The following ADAMTS17 variants were observed in gnomAD, a reference collection of about 807,000 sequenced individuals.
ADAMTS17 encodes the protein A disintegrin and metalloproteinase with thrombospondin motifs 17.
ADAMTS17 carries 113 observed loss-of-function variants against 141.5 expected under a neutral mutation model. The observed-to-expected ratio is 0.80, with a 90% CI of 0.69 to 0.93. The LOEUF is 0.93. ADAMTS17 is among the 40% of genes least tolerant of loss of function. The probability of loss-of-function intolerance (pLI) is 0.00; values close to 1 mark genes in which losing one functional copy is unlikely to be tolerated. For missense variants in ADAMTS17, 1,659 were observed against 1,517.9 expected (o/e 1.09, Z -1.54); for synonymous variants, 768 against 630.6 (o/e 1.22, Z -3.27).
At chr15:100,255,500 C>T (rs146876379) in intron 6 of ADAMTS17, among the ~76,000 whole-genome samples, 1 of 152,248 alleles carries the variant, frequency 6.6e-6, no homozygotes, top group African/African-American at 2.4e-5. Flanking sequence ...GCGATAGAAG[C>T]AGCACTGGCA....
intron 8 of ADAMTS17, among the ~76,000 whole-genome samples, chr15:100,169,603 C>A (rs1184165123): frequency 1.3e-5 from 2 of 152,228 alleles, no homozygotes; most frequent in Non-Finnish European, 2.9e-5. Flanking sequence ...AACCTCCATA[C>A]ACGGTGCAGT....
At chr15:100,203,629 T>C (rs1257732356) in intron 7 of ADAMTS17, among the ~76,000 whole-genome samples, 3 of 152,058 alleles carry the variant, frequency 2.0e-5, no homozygotes, top group Non-Finnish European at 4.4e-5. Flanking sequence ...GGCATGAACC[T>C]GGGAGGTGGA....
chr15:100,001,703 G>C lies in ADAMTS17; in HGVS notation c.2592-4114C>G, dbSNP rs145454301. On this transcript the variant is annotated intron_variant, in intron 18 of 21. Transcript: ENST00000268070. ...AATCAAGTCTAGGCCGGGCACAGTG[G>C]CTCACACCTATAATCCCAGCATTTT... 4.7e-3 allele frequency among the ~76,000 whole-genome samples: 712 copies of C among 152,130 alleles called. 5 individuals are homozygous for C. Among genetic ancestry groups the C allele is most frequent in the African/African-American group, 0.016 (677 of 41,502 alleles).
intron 4 of ADAMTS17, among the ~76,000 whole-genome samples, chr15:100,264,281 C>T (rs985358758): frequency 2.6e-5 from 4 of 152,004 alleles, no homozygotes; most frequent in African/African-American, 9.7e-5. Context: ...CCAACTTGTT[C>T]CTGTTTTGAT....
At chr15:100,296,376 C>T (rs1473499746) in intron 3 of ADAMTS17, among the ~76,000 whole-genome samples, 4 of 152,058 alleles carry the variant, frequency 2.6e-5, no homozygotes, top group Non-Finnish European at 4.4e-5. Context: ...TCCACAGCTG[C>T]ATAAATCCAA....
At chr15:100,047,561 C>A (rs1314005689) in intron 18 of ADAMTS17, among the ~76,000 whole-genome samples, 1 of 151,902 alleles carries the variant, frequency 6.6e-6, no homozygotes, top group Admixed American at 6.6e-5. Context: ...TAGAAAAGAA[C>A]CTATGTGACT....
intron 8 of ADAMTS17, among the ~76,000 whole-genome samples, chr15:100,182,845 T>C (rs1318953479): frequency 1.3e-5 from 2 of 152,248 alleles, no homozygotes; most frequent in Non-Finnish European, 2.9e-5. Flanking sequence ...GTGAATTTCT[T>C]AGAGCTTATC....
chr15:100,050,405 G>A (rs566264567), intron 17 of ADAMTS17, among the ~76,000 whole-genome samples: 1 of 152,320 alleles, frequency 6.6e-6, no homozygotes, highest in East Asian at 1.9e-4. Flanking sequence ...ACAAGCGGCA[G>A]CTAAGGGCTG....
intron 7 of ADAMTS17, among the ~76,000 whole-genome samples, chr15:100,237,633 G>GT (rs987037029): frequency 2.7e-4 from 41 of 151,776 alleles, no homozygotes; most frequent in East Asian, 1.2e-3. Context: ...TTTTGTTTTT[G>GT]TTTTTTTTGA....
At chr15:100,292,519 TGA>T (rs1332788818) in intron 3 of ADAMTS17, among the ~76,000 whole-genome samples, 2 of 143,342 alleles carry the variant, frequency 1.4e-5, no homozygotes, top group Non-Finnish European at 3.1e-5. Context: ...TGTGAAATTA[TGA>T]GAGACACTCA....
chr15:100,170,833 T>C (rs1184838765), intron 8 of ADAMTS17, among the ~76,000 whole-genome samples: 2 of 152,198 alleles, frequency 1.3e-5, no homozygotes, highest in African/African-American at 4.8e-5. Flanking sequence ...ACTGACAATT[T>C]TGACTGGCAG....
At chr15:100,213,835 G>C (rs1380047350) in intron 7 of ADAMTS17, among the ~76,000 whole-genome samples, 1 of 152,242 alleles carries the variant, frequency 6.6e-6, no homozygotes, top group Non-Finnish European at 1.5e-5. Flanking sequence ...TACCAGTAGA[G>C]AAGGGCCATC....
chr15:100,096,423 C>G lies in ADAMTS17; in HGVS notation c.2070G>C (p.Gly690=). The G allele has an allele frequency of 1.2e-6, 2 of 1,614,176 alleles. No individual in the cohort carries two copies. Among genetic ancestry groups the G allele is most frequent in the Non-Finnish European group, 1.7e-6 (2 of 1,180,046 alleles). Residue 690 remains glycine (G), a synonymous_variant, in exon 15 of 22, where the codon GGG becomes GGC. Coordinates refer to ENST00000268070, the MANE Select transcript of ADAMTS17 (RefSeq NM_139057.4). Reference sequence around the variant, plus strand: ...AGGTCTTGCCGTCCCCGCTGCAGACCCCGCATCTGTCCTCTTTGGCTGCAG... The same window carrying G: ...AGGTCTTGCCGTCCCCGCTGCAGACGCCGCATCTGTCCTCTTTGGCTGCAG... The part of the protein sequence containing the change: ...IGSAAKEDRC[G]VCSGDGKTCH...
intron 8 of ADAMTS17, among the ~76,000 whole-genome samples, chr15:100,187,320 G>C (rs974241408): frequency 6.6e-6 from 1 of 152,114 alleles, no homozygotes; most frequent in Non-Finnish European, 1.5e-5. Flanking sequence ...GGTGCTCTTC[G>C]ACTTTCTTTC....
chr15:100,295,480 G>C (rs781394671), intron 3 of ADAMTS17, among the ~76,000 whole-genome samples: 1 of 152,076 alleles, frequency 6.6e-6, no homozygotes, highest in Non-Finnish European at 1.5e-5. Flanking sequence ...TCCAGCTCTT[G>C]GGCTATTACA....
intron 12 of ADAMTS17, among the ~76,000 whole-genome samples, chr15:100,120,738 C>A (rs927127545): frequency 6.6e-6 from 1 of 152,182 alleles, no homozygotes; most frequent in Non-Finnish European, 1.5e-5. Context: ...ACCAAACACC[C>A]TGGGGAAGGG....
chr15:100,098,924 G>A (rs2035929950), intron 14 of ADAMTS17, among the ~76,000 whole-genome samples: 2 of 152,158 alleles, frequency 1.3e-5, no homozygotes, highest in South Asian at 4.1e-4. Flanking sequence ...CATCTCAGGT[G>A]CCCTCTGCTG....
chr15:100,023,277 C>T (rs1567686390), intron 18 of ADAMTS17, among the ~76,000 whole-genome samples: 3 of 151,986 alleles, frequency 2.0e-5, no homozygotes, highest in Non-Finnish European at 4.4e-5. Flanking sequence ...TCTTGGCTCA[C>T]TGCAACCTCT....
intron 3 of ADAMTS17, among the ~76,000 whole-genome samples, chr15:100,323,504 G>A (rs1232777994): frequency 1.3e-5 from 2 of 152,172 alleles, no homozygotes; most frequent in Admixed American, 6.5e-5. Context: ...ACAGGGAAAT[G>A]AGTAGCCTTA....
Sources: gnomAD v4.1 joint callset for allele counts (sites outside exome capture counted in the v4.1 genomes callset) on GRCh38, gnomAD v4.1.1 for gene constraint, MANE v1.5 for transcripts, NCBI Gene and HGNC (gene_info 2026-07-23, HGNC 2026-07-21) for gene names.